DCBLD1: variants seen among roughly 807,000 people sequenced by gnomAD.
DCBLD1 encodes discoidin, CUB and LCCL domain-containing protein 1.
In DCBLD1, 57 loss-of-function variants were observed where a neutral mutation model predicts 71.5. That is an observed-to-expected ratio of 0.80 (90% CI 0.64 to 0.99). The LOEUF is 0.99. Among genes scored for constraint, DCBLD1 ranks in the 50% least tolerant of loss-of-function variants. The probability of loss-of-function intolerance (pLI) is 0.00; values close to 1 mark genes in which losing one functional copy is unlikely to be tolerated. For synonymous variants in DCBLD1, 380 were observed against 363.8 expected (o/e 1.04, Z -0.51); for missense variants, 891 against 923.5 (o/e 0.96, Z 0.46).
At chr6:117,542,375 T>C (rs1420832153) in intron 11 of DCBLD1, among the ~76,000 whole-genome samples, 1 of 152,178 alleles carries the variant, frequency 6.6e-6, no homozygotes, top group Admixed American at 6.5e-5. Flanking sequence ...AAATCCCTTT[T>C]CCCCTTCTTC....
intron 6 of DCBLD1, among the ~76,000 whole-genome samples, chr6:117,535,766 G>A (rs1778862996): frequency 6.6e-6 from 1 of 152,048 alleles, no homozygotes. Context: ...GCGTAGGAAC[G>A]TTAGAGAAAA....
At chr6:117,560,785 G>A (rs1452416655) in intron 14 of DCBLD1, 6 of 210,672 alleles carry the variant, frequency 2.8e-5, no homozygotes, top group Non-Finnish European at 5.8e-5. Flanking sequence ...TTATTAAAAC[G>A]TTTTCTCAAC....
intron 14 of DCBLD1, among the ~76,000 whole-genome samples, chr6:117,546,805 C>G (rs1280802080): frequency 6.6e-6 from 1 of 152,138 alleles, no homozygotes; most frequent in Admixed American, 6.5e-5. Context: ...CCCTCTCAGT[C>G]CCCAGTCCAT....
intron 2 of DCBLD1, among the ~76,000 whole-genome samples, chr6:117,515,827 CT>C (rs1323948971): frequency 2.0e-5 from 3 of 152,106 alleles, no homozygotes; most frequent in Admixed American, 2.0e-4. Flanking sequence ...TTGGATTTGG[CT>C]TTTAGAAACT....
chr6:117,487,654 G>C (rs1339018586), intron 1 of DCBLD1, among the ~76,000 whole-genome samples: 1 of 152,038 alleles, frequency 6.6e-6, no homozygotes, highest in Non-Finnish European at 1.5e-5. Flanking sequence ...TTAAAACCTG[G>C]ACACGGCAAA....
At chr6:117,545,360 T>C in intron 13 of DCBLD1, 118 bp from the exon 14 acceptor site, 1 of 1,377,726 alleles carries the variant, frequency 7.3e-7, no homozygotes, top group Non-Finnish European at 1.0e-6. Context: ...GAGGAGGACA[T>C]TGATCACTGT....
At chr6:117,505,369 G>C (rs541280352) in intron 2 of DCBLD1, among the ~76,000 whole-genome samples, 1 of 152,274 alleles carries the variant, frequency 6.6e-6, no homozygotes, top group African/African-American at 2.4e-5. Context: ...TCTGAGGAGG[G>C]GGTAAGTGTC....
chr6:117,504,070 G>A, intron 2 of DCBLD1, 91 bp downstream of exon 2: 1 of 1,354,112 alleles, frequency 7.4e-7, no homozygotes, highest in Non-Finnish European at 1.0e-6. Context: ...GCTATATCAT[G>A]AGAAGATTAG....
At chr6:117,553,050 C>T (rs190689661), downstream of DCBLD1, among the ~76,000 whole-genome samples, 86 of 152,324 alleles carry the variant, frequency 5.6e-4, no homozygotes, top group East Asian at 0.014. Flanking sequence ...TACCATCTCT[C>T]CATCTTCATC....
intron 6 of DCBLD1, among the ~76,000 whole-genome samples, chr6:117,535,857 GAGAGTTCTCATCCAA>G: frequency 6.6e-6 from 1 of 152,286 alleles, no homozygotes; most frequent in Non-Finnish European, 1.5e-5. Context: ...TAAGTGTCAG[GAGAGTTCTCATCCAA>G]GCTTTTTTGC....
intron 1 of DCBLD1, among the ~76,000 whole-genome samples, chr6:117,499,257 A>AAAAAAAC (rs1777571079): frequency 6.8e-6 from 1 of 147,782 alleles, no homozygotes. Flanking sequence ...AAAAAAAAAA[A>AAAAAAAC]TCTGCCAGGT....
intron 1 of DCBLD1, among the ~76,000 whole-genome samples, chr6:117,489,810 G>A (rs908396853): frequency 8.5e-5 from 13 of 152,140 alleles, no homozygotes; most frequent in Non-Finnish European, 1.8e-4. Context: ...GCGTGAACCC[G>A]GGAGGCGGAG....
intron 2 of DCBLD1, chr6:117,507,977 C>T (rs1221692012): frequency 2.0e-5 from 3 of 152,124 alleles, no homozygotes; most frequent in Admixed American, 2.0e-4. Flanking sequence ...GATTAAATGA[C>T]TCTTCTTTTT....
chr6:117,544,925 C>T (rs1364331663), intron 13 of DCBLD1, among the ~76,000 whole-genome samples: 1 of 150,794 alleles, frequency 6.6e-6, no homozygotes, highest in Non-Finnish European at 1.5e-5. Flanking sequence ...CAGGCCTGTG[C>T]TGTACTTTCC....
At chr6:117,492,285 A>G (rs537248744) in intron 1 of DCBLD1, among the ~76,000 whole-genome samples, 1 of 152,342 alleles carries the variant, frequency 6.6e-6, no homozygotes, top group South Asian at 2.1e-4. Context: ...TGTTTTTTAC[A>G]TCGAATTTAA....
chr6:117,540,254 A>G (rs1779045662), intron 9 of DCBLD1: 1 of 162,262 alleles, frequency 6.2e-6, no homozygotes, highest in African/African-American at 2.4e-5. Flanking sequence ...CTGCTTCAGT[A>G]TAAGTATGGT....
intron 2 of DCBLD1, among the ~76,000 whole-genome samples, chr6:117,514,784 A>C (rs1288535778): frequency 6.6e-6 from 1 of 152,142 alleles, no homozygotes; most frequent in Admixed American, 6.5e-5. Context: ...TTACATGCCT[A>C]TCATAACTGG....
At chr6:117,551,408 C>A (rs2114584406), downstream of DCBLD1, among the ~76,000 whole-genome samples, 1 of 152,078 alleles carries the variant, frequency 6.6e-6, no homozygotes, top group African/African-American at 2.4e-5. Flanking sequence ...TAGACAGAGT[C>A]TGGCTCTGTC....
At chr6:117,516,941 G>A (rs143329996) in intron 2 of DCBLD1, among the ~76,000 whole-genome samples, 20 of 152,232 alleles carry the variant, frequency 1.3e-4, no homozygotes, top group Admixed American at 1.2e-3. Flanking sequence ...GATGAGATTT[G>A]GGTGGGGACA....
Sources: allele counts gnomAD v4.1 joint callset (sites outside exome capture counted in the v4.1 genomes callset), GRCh38; gene constraint gnomAD v4.1.1; transcripts MANE v1.5; gene names NCBI Gene and HGNC (gene_info 2026-07-23, HGNC 2026-07-21).